IMMP2L: variants seen among roughly 807,000 people sequenced by gnomAD.
The protein encoded by IMMP2L is mitochondrial inner membrane protease subunit 2.
Under a neutral mutation model 19.3 loss-of-function variants are expected in IMMP2L, and 18 were observed. The observed-to-expected ratio is 0.93, with a 90% CI of 0.64 to 1.38. The LOEUF (loss-of-function observed/expected upper bound fraction) is 1.38, where lower values mean the gene tolerates loss of function less well. Among genes scored for constraint, IMMP2L ranks in the 40% most tolerant of loss-of-function variants. The pLI is 0.00. For synonymous variants in IMMP2L, 76 were observed against 73.0 expected, an observed-to-expected ratio of 1.04 and a Z score of -0.21; for missense variants, 233 against 218.2, an observed-to-expected ratio of 1.07 and a Z score of -0.43.
chr7:110,753,501 A>C (rs938397309), intron 5 of IMMP2L, among the ~76,000 whole-genome samples: 3 of 152,070 alleles, frequency 2.0e-5, no homozygotes, highest in African/African-American at 7.2e-5. Flanking sequence ...GTGTATAAAG[A>C]AGCTCACATT....
chr7:111,154,587 C>A (rs933606446), intron 3 of IMMP2L, among the ~76,000 whole-genome samples: 2 of 152,172 alleles, frequency 1.3e-5, no homozygotes, highest in African/African-American at 4.8e-5. Context: ...AAACTAACTA[C>A]AAGAAGGAAT....
At chr7:111,423,543 T>C (rs1835788876) in intron 3 of IMMP2L, among the ~76,000 whole-genome samples, 1 of 151,930 alleles carries the variant, frequency 6.6e-6, no homozygotes, top group South Asian at 2.1e-4. Flanking sequence ...TTTGTATTTC[T>C]GTGGGATAGG....
At chr7:110,680,948 G>A (rs1460897415) in intron 5 of IMMP2L, among the ~76,000 whole-genome samples, 1 of 152,016 alleles carries the variant, frequency 6.6e-6, no homozygotes, top group African/African-American at 2.4e-5. Context: ...GGGGTGTGCT[G>A]TGTTCCTAGC....
chr7:111,402,532 G>A (rs1050165094), intron 3 of IMMP2L, among the ~76,000 whole-genome samples: 1 of 151,960 alleles, frequency 6.6e-6, no homozygotes, highest in Non-Finnish European at 1.5e-5. Flanking sequence ...GCAACACAGT[G>A]AAACCCCGTC....
chr7:110,939,780 T>C (rs1408621417), intron 4 of IMMP2L, among the ~76,000 whole-genome samples: 5 of 152,078 alleles, frequency 3.3e-5, no homozygotes, highest in Admixed American at 6.6e-5. Context: ...CAATAGAACA[T>C]AGCAGGCTGT....
At chr7:110,940,132 C>T (rs577372582) in intron 4 of IMMP2L, among the ~76,000 whole-genome samples, 59 of 152,064 alleles carry the variant, frequency 3.9e-4, no homozygotes, top group Middle Eastern at 3.4e-3. Flanking sequence ...GCCTGGCCAA[C>T]ATAGTGAAAC....
rs762391375 is a variant in IMMP2L at position 111,122,760 on chromosome 7, G to T, written c.240-159195C>A. On this transcript the variant is annotated intron_variant, in intron 3 of 5. Coordinates refer to ENST00000405709, the MANE Select transcript of IMMP2L (RefSeq NM_032549.4). Reference sequence around the variant, plus strand: ...CTTAAGGGCCCATTACATTTCTGAAGAAGAAAGCTAAGATGAAGGACATGC... The same window carrying T: ...CTTAAGGGCCCATTACATTTCTGAATAAGAAAGCTAAGATGAAGGACATGC... 7 of 1,601,262 alleles carry T rather than the reference G, an allele frequency of 4.4e-6. No homozygotes were observed. The Admixed American group carries it at 1.2e-4, about 27-fold the overall frequency.
intron 4 of IMMP2L, among the ~76,000 whole-genome samples, chr7:110,909,720 G>A (rs569372790): frequency 7.2e-5 from 11 of 152,008 alleles, no homozygotes; most frequent in African/African-American, 1.7e-4. Context: ...AACAACAACC[G>A]TCTCCCTCCA....
chr7:111,118,442 T>C (rs1465492467), intron 3 of IMMP2L, among the ~76,000 whole-genome samples: 2 of 152,070 alleles, frequency 1.3e-5, no homozygotes, highest in Admixed American at 6.5e-5. Flanking sequence ...GAATTGGATA[T>C]ATAAGATATG....
intron 5 of IMMP2L, among the ~76,000 whole-genome samples, chr7:110,690,615 T>C (rs1447206715): frequency 6.6e-6 from 1 of 151,946 alleles, no homozygotes; most frequent in Non-Finnish European, 1.5e-5. Flanking sequence ...AAGTCTCAGG[T>C]TACAAAATCA....
At chr7:111,296,198 G>A (rs1175976716) in intron 3 of IMMP2L, among the ~76,000 whole-genome samples, 8 of 151,432 alleles carry the variant, frequency 5.3e-5, no homozygotes, top group African/African-American at 1.5e-4. Context: ...ATAAACCATC[G>A]TTAAAATGGG....
intron 3 of IMMP2L, among the ~76,000 whole-genome samples, chr7:111,212,500 G>A (rs552686966): frequency 2.6e-5 from 4 of 151,868 alleles, no homozygotes; most frequent in Admixed American, 2.6e-4. Context: ...GGTCCCAGAT[G>A]TTCAGGAGGA....
intron 3 of IMMP2L, among the ~76,000 whole-genome samples, chr7:111,154,115 CA>C (rs1208768297): frequency 2.6e-5 from 4 of 152,140 alleles, no homozygotes; most frequent in African/African-American, 9.6e-5. Flanking sequence ...ATTTATTACT[CA>C]ATCTTGTTTC....
intron 5 of IMMP2L, among the ~76,000 whole-genome samples, chr7:110,859,651 G>A (rs905510304): frequency 2.0e-5 from 3 of 151,716 alleles, no homozygotes; most frequent in Admixed American, 6.6e-5. Context: ...GCTGAGGTGG[G>A]AGGATCACTT....
At chr7:111,460,157 T>G (rs7789786) in intron 3 of IMMP2L, among the ~76,000 whole-genome samples, 3,079 of 152,168 alleles carry the variant, frequency 0.02, 108 homozygotes, top group African/African-American at 0.07. Context: ...AGAGCCTCAG[T>G]CACAAATTGT....
At chr7:111,016,398 A>T (rs1321198770) in intron 3 of IMMP2L, among the ~76,000 whole-genome samples, 6 of 141,106 alleles carry the variant, frequency 4.3e-5, no homozygotes, top group Non-Finnish European at 9.1e-5. Context: ...ATTTTTATAT[A>T]TTTATATTTT....
At position 110,747,664 on chromosome 7, in the gene IMMP2L, T is replaced by C. The variant is rs372524663; in HGVS notation, c.409-83943A>G. 4.6e-5 allele frequency among the ~76,000 whole-genome samples: 7 copies of C among 152,182 alleles called. No individual in the cohort carries two copies. In the East Asian group the frequency reaches 1.2e-3, roughly 25 times the overall value. On this transcript the variant is annotated intron_variant, in intron 5 of 5. Transcript: ENST00000405709. ...GACAAAAACCACATGATTATATCAA[T>C]AGATGCAGAAAAAGCCTTCGAAAAA...
At chr7:111,279,217 T>A (rs1238700717) in intron 3 of IMMP2L, among the ~76,000 whole-genome samples, 1 of 152,160 alleles carries the variant, frequency 6.6e-6, no homozygotes, top group Non-Finnish European at 1.5e-5. Flanking sequence ...AACAGAAGAA[T>A]AAAAGCAAAG....
intron 3 of IMMP2L, among the ~76,000 whole-genome samples, chr7:111,119,471 T>A (rs181918414): frequency 6.6e-6 from 1 of 152,196 alleles, no homozygotes; most frequent in Non-Finnish European, 1.5e-5. Flanking sequence ...ACTGGATAAA[T>A]TGAAGAATAA....
Sources: allele counts gnomAD v4.1 joint callset (sites outside exome capture counted in the v4.1 genomes callset), GRCh38; gene constraint gnomAD v4.1.1; transcripts MANE v1.5; gene names NCBI Gene and HGNC (gene_info 2026-07-23, HGNC 2026-07-21).